NTSR1: variants seen among roughly 807,000 people sequenced by gnomAD.
NTSR1 encodes neurotensin receptor type 1.
In NTSR1, 29 loss-of-function variants were observed where a neutral mutation model predicts 31.2. The observed-to-expected ratio is 0.93, with a 90% confidence interval of 0.69 to 1.27. The LOEUF is 1.27. Ranked by LOEUF, NTSR1 falls within the 50% of genes most tolerant of loss-of-function variation. The pLI, the probability that NTSR1 is intolerant of heterozygous loss-of-function variation, is 0.00. For missense variants in NTSR1, 697 were observed against 595.4 expected, an observed-to-expected ratio of 1.17 and a Z score of -1.78; for synonymous variants, 282 against 269.9, an observed-to-expected ratio of 1.04 and a Z score of -0.44.
chr20:62,718,292 T>A (rs929412769), intron 1 of NTSR1, among the ~76,000 whole-genome samples: 1 of 151,990 alleles, frequency 6.6e-6, no homozygotes, highest in African/African-American at 2.4e-5. Flanking sequence ...GTCAGAATGG[T>A]TGGGAAGCTG....
At position 62,711,320 on chromosome 20, in the gene NTSR1, G is replaced by A. The variant is rs1600716275; in HGVS notation, c.714+1399G>A. ...CTCCCCTCACCAGAGGCAGAAGTAG[G>A]CACGGCCTGTGGGGTAAACACAGTG... On this transcript the variant is annotated intron_variant, in intron 1 of 3. Transcript: ENST00000370501. This position sits in a 1 kb window ranked among gnomAD's most constrained non-coding sequence, Gnocchi z 6.4. 2.0e-5 allele frequency among the ~76,000 whole-genome samples: 3 copies of A among 152,304 alleles called. 1 individual carries two copies. The highest frequency in any genetic ancestry group is 2.0e-4 in the Admixed American group (3 of 15,312).
rs949277879 is a variant in NTSR1, at chr20:62,745,215, A to G, written c.715-9470A>G. Among the ~76,000 whole-genome samples the G allele has an allele frequency of 6.6e-4, 101 of 152,314 alleles. No individual in the cohort carries two copies. The highest frequency in any genetic ancestry group is 2.3e-3 in the African/African-American group (97 of 41,566). ...GGGAGACCCAGACAGACAGCAACAC[A>G]AAGACAGAGAGAGAGACACAGAGAG... is the stretch of plus-strand genomic sequence containing the variant. On this transcript the variant is annotated intron_variant, in intron 1 of 3. Coordinates refer to ENST00000370501, the MANE Select transcript of NTSR1 (RefSeq NM_002531.3). The surrounding 1 kb of genome is among the most constrained non-coding windows in gnomAD (Gnocchi z 4.1).
At chr20:62,729,174 C>T (rs1409202345) in intron 1 of NTSR1, among the ~76,000 whole-genome samples, 2 of 152,248 alleles carry the variant, frequency 1.3e-5, no homozygotes, top group Non-Finnish European at 1.5e-5. Flanking sequence ...TGCTTCTCTG[C>T]TGTGCCTGCA....
rs1191972476 is a variant in NTSR1 at position 62,711,412 on chromosome 20, T to C, written c.714+1491T>C. On this transcript the variant is annotated intron_variant, in intron 1 of 3. Transcript: ENST00000370501. The surrounding 1 kb of genome is among the most constrained non-coding windows in gnomAD (Gnocchi z 6.4). ...CCCAAGCTCCTGTCTTTGATTGGCA[T>C]TGGCCAGGGGGAACCTCTCCCCAGT... 1.3e-5 allele frequency among the ~76,000 whole-genome samples: 2 copies of C among 152,104 alleles called. No homozygotes were observed. Among genetic ancestry groups the C allele is most frequent in the Non-Finnish European group, 2.9e-5 (2 of 67,978 alleles).
intron 1 of NTSR1, among the ~76,000 whole-genome samples, chr20:62,749,696 C>G (rs1018669486): frequency 6.6e-6 from 1 of 152,114 alleles, no homozygotes; most frequent in Non-Finnish European, 1.5e-5. Flanking sequence ...TGAAAAGGTG[C>G]TCAACACCAC....
Position 62,741,916 on chromosome 20 carries a change from G to T in NTSR1, c.715-12769G>T, listed in dbSNP as rs1989213472. ...ATCAGGCCCCTGGGTTCACAACTGTGCCTGGGTTTCTTTATCTACAAAAGG... is the reference window on the plus strand; with the variant it reads ...ATCAGGCCCCTGGGTTCACAACTGTTCCTGGGTTTCTTTATCTACAAAAGG... On this transcript the variant is annotated intron_variant, in intron 1 of 3. Coordinates refer to ENST00000370501, the MANE Select transcript of NTSR1 (RefSeq NM_002531.3). The surrounding 1 kb of genome is among the most constrained non-coding windows in gnomAD (Gnocchi z 4.3). Among the ~76,000 whole-genome samples the T allele has an allele frequency of 6.9e-6, 1 of 145,934 alleles. No homozygotes were observed. The highest frequency in any genetic ancestry group is 2.7e-5 in the African/African-American group (1 of 36,626).
rs377096509 is a variant in NTSR1 at position 62,744,472 on chromosome 20, G to A, written c.715-10213G>A. ...GGGGAGACTGAGGCAGGAGAATGGCGTGAACCCGGGAGGTGGAGCTTGCAA... is the reference window on the plus strand; with the variant it reads ...GGGGAGACTGAGGCAGGAGAATGGCATGAACCCGGGAGGTGGAGCTTGCAA... On this transcript the variant is annotated intron_variant, in intron 1 of 3. Coordinates refer to ENST00000370501, the MANE Select transcript of NTSR1 (RefSeq NM_002531.3). This position sits in a 1 kb window ranked among gnomAD's most constrained non-coding sequence, Gnocchi z 4.1. 5.3e-5 allele frequency among the ~76,000 whole-genome samples: 8 copies of A among 151,682 alleles called. No homozygotes were observed. Among genetic ancestry groups the A allele is most frequent in the Non-Finnish European group, 8.8e-5 (6 of 67,940 alleles).
At chr20:62,710,015 TCA>T in intron 1 of NTSR1, 94 bp downstream of exon 1, 1 of 1,068,968 alleles carries the variant, frequency 9.4e-7, no homozygotes. Context: ...GGGAGAGATG[TCA>T]CAGAGACAGT....
intron 1 of NTSR1, among the ~76,000 whole-genome samples, chr20:62,725,189 G>A (rs2147135873): frequency 6.6e-6 from 1 of 152,334 alleles, no homozygotes; most frequent in Non-Finnish European, 1.5e-5. Context: ...TAAGTGCAAG[G>A]GGAGGAACAG....
chr20:62,712,301 G>A (rs1988631873), intron 1 of NTSR1, among the ~76,000 whole-genome samples: 1 of 152,226 alleles, frequency 6.6e-6, no homozygotes, highest in Non-Finnish European at 1.5e-5. Flanking sequence ...AAGAGGGGCT[G>A]GATACCCTGA....
chr20:62,759,508 C>T (rs1354161396), intron 3 of NTSR1, among the ~76,000 whole-genome samples: 1 of 151,176 alleles, frequency 6.6e-6, no homozygotes, highest in Non-Finnish European at 1.5e-5. Flanking sequence ...GACACGGTGG[C>T]TCACGCCTGT....
intron 1 of NTSR1, among the ~76,000 whole-genome samples, chr20:62,710,731 G>C (rs921464735): frequency 1.3e-5 from 2 of 152,172 alleles, no homozygotes; most frequent in African/African-American, 4.8e-5. Flanking sequence ...GGCACGGGGG[G>C]TTCCAGTGCT....
chr20:62,720,584 G>T (rs1568697944), intron 1 of NTSR1, among the ~76,000 whole-genome samples: 2 of 152,156 alleles, frequency 1.3e-5, no homozygotes, highest in Admixed American at 6.5e-5. Flanking sequence ...TCTTTTTCAA[G>T]AATGAGCTTT....
rs143560266 is a variant in NTSR1 at position 62,709,868 on chromosome 20, G to A, written c.661G>A (p.Gly221Ser). The A allele has an allele frequency of 7.7e-5, 123 of 1,607,126 alleles. No homozygotes were observed. In the African/African-American group the frequency reaches 1.3e-3, roughly 17 times the overall value. The stretch of plus-strand genomic sequence containing the variant: ...CAGCGCCGACGGCCAGCACGCCGGC[G>A]GCCTGGTGTGCACCCCCACCATCCA... ...NRSADGQHAG[G>S]LVCTPTIHTA... The change falls in exon 1 of 4, where the codon GGC (glycine) becomes AGC (serine). Residue 221 changes from glycine to serine, a missense_variant. Coordinates refer to ENST00000370501, the MANE Select transcript of NTSR1 (RefSeq NM_002531.3).
In NTSR1 at chr20:62,760,161, C is replaced by T. The variant is rs199957018; in HGVS notation, c.1151C>T (p.Pro384Leu). Reference sequence around the variant, plus strand: ...CTGGCCACACTGGCCTGCCTCTGCCCGGTGTGGCGGCGCAGGAGGAAGAGG... The same window carrying T: ...CTGGCCACACTGGCCTGCCTCTGCCTGGTGTGGCGGCGCAGGAGGAAGAGG... ...IFLATLACLC[P>L]VWRRRRKRPA... The change falls in exon 4 of 4, where the codon CCG becomes CTG. Residue 384 changes from proline to leucine, a missense_variant. Transcript: ENST00000370501. The T allele has an allele frequency of 1.4e-5, 22 of 1,614,040 alleles. No individual in the cohort carries two copies. The highest frequency in any genetic ancestry group is 6.7e-5 in the East Asian group (3 of 44,892).
At chr20:62,734,989 A>G (rs34072079) in intron 1 of NTSR1, among the ~76,000 whole-genome samples, 16,158 of 152,102 alleles carry the variant, frequency 0.11, 2,084 homozygotes, top group East Asian at 0.31. Flanking sequence ...CAGAGCCTGT[A>G]CAGCCTCCCC....
intron 1 of NTSR1, among the ~76,000 whole-genome samples, chr20:62,736,240 G>A (rs989655652): frequency 2.6e-5 from 4 of 152,200 alleles, no homozygotes; most frequent in African/African-American, 7.2e-5. Context: ...GGCGGGAAGG[G>A]AAGCCAGGCT....
chr20:62,759,387 C>T (rs1989569923), intron 3 of NTSR1, among the ~76,000 whole-genome samples: 1 of 152,192 alleles, frequency 6.6e-6, no homozygotes, highest in Non-Finnish European at 1.5e-5. Flanking sequence ...CAGCCAAGCC[C>T]TGGACCCTTG....
chr20:62,709,305 C>T lies in NTSR1; in HGVS notation c.98C>T (p.Pro33Leu), dbSNP rs771454556. ...QAGLEEALLAPGFGNASGNAS... is the reference protein window; with the variant it reads ...QAGLEEALLALGFGNASGNAS... ...GGACTGGAGGAGGCGCTGCTGGCCC[C>T]GGGCTTCGGCAACGCTTCGGGCAAC... The change falls in exon 1 of 4, where the codon CCG becomes CTG. Residue 33 changes from proline (P) to leucine (L), a missense_variant. By Grantham distance (98) the Pro-to-Leu change is moderately conservative (BLOSUM62 -3). Transcript: ENST00000370501. 1 of 1,601,670 alleles carries T rather than the reference C, an allele frequency of 6.2e-7. No homozygotes were observed. Among genetic ancestry groups the T allele is most frequent in the South Asian group, 1.1e-5 (1 of 90,166 alleles).
Sources: gnomAD v4.1 joint callset for allele counts (sites outside exome capture counted in the v4.1 genomes callset) on GRCh38, gnomAD v4.1.1 for gene constraint, Gnocchi (gnomAD v3.1) non-coding constraint, MANE v1.5 for transcripts, NCBI Gene and HGNC (gene_info 2026-07-23, HGNC 2026-07-21) for gene names.